HS6ST3: variants seen among roughly 807,000 people sequenced by gnomAD.
HS6ST3 encodes the protein heparan-sulfate 6-O-sulfotransferase 3.
Under a neutral mutation model 36.7 loss-of-function variants are expected in HS6ST3, and 12 were observed. The observed-to-expected ratio is 0.33, with a 90% confidence interval of 0.21 to 0.53. HS6ST3 has a LOEUF of 0.53. Among genes scored for constraint, HS6ST3 ranks in the 20% least tolerant of loss-of-function variants. HS6ST3 has a pLI of 0.95. For synonymous variants in HS6ST3, 240 were observed against 257.5 expected, an observed-to-expected ratio of 0.93 and a Z score of 0.65; for missense variants, 584 against 640.9, an observed-to-expected ratio of 0.91 and a Z score of 0.96.
rs533294477 is a variant in HS6ST3, at chr13:96,370,893, G to T, written c.707+279324G>T. Among the ~76,000 whole-genome samples, 7 of 152,130 alleles carry T rather than the reference G, an allele frequency of 4.6e-5. No individual in the cohort carries two copies. In the East Asian group the frequency reaches 1.4e-3, roughly 29 times the overall value. The stretch of plus-strand genomic sequence containing the variant: ...AGCCTGGGTGACGGAGCGAGACACC[G>T]TATCAAAGAATAAATAAATAAAAAT... On this transcript the variant is annotated intron_variant, in intron 1 of 1. Transcript: ENST00000376705.
intron 1 of HS6ST3, among the ~76,000 whole-genome samples, chr13:96,439,034 T>C (rs1257902372): frequency 1.3e-5 from 2 of 151,238 alleles, no homozygotes; most frequent in African/African-American, 4.9e-5. Context: ...GCCACTGCAC[T>C]CCAGCCTGGG....
At chr13:96,206,829 A>G (rs1233919210) in intron 1 of HS6ST3, among the ~76,000 whole-genome samples, 1 of 152,198 alleles carries the variant, frequency 6.6e-6, no homozygotes, top group Non-Finnish European at 1.5e-5. Context: ...TAAAGACTTA[A>G]ATATAAAACC....
chr13:96,577,968 G>C (rs1405697644), intron 1 of HS6ST3, among the ~76,000 whole-genome samples: 1 of 152,198 alleles, frequency 6.6e-6, no homozygotes, highest in Non-Finnish European at 1.5e-5. Context: ...CATGGAGTAG[G>C]ATACCTAGTA....
At chr13:96,135,375 C>T (rs1324892241) in intron 1 of HS6ST3, among the ~76,000 whole-genome samples, 1 of 152,112 alleles carries the variant, frequency 6.6e-6, no homozygotes, top group Non-Finnish European at 1.5e-5. Flanking sequence ...CACAGTGAAT[C>T]ATAAGTCTGG....
intron 1 of HS6ST3, among the ~76,000 whole-genome samples, chr13:96,715,543 T>A (rs1875673794): frequency 6.6e-6 from 1 of 152,070 alleles, no homozygotes; most frequent in Non-Finnish European, 1.5e-5. Context: ...ATTTAAAATT[T>A]AAAAAAATTT....
At chr13:96,679,016 A>G (rs1320915418) in intron 1 of HS6ST3, among the ~76,000 whole-genome samples, 2 of 151,346 alleles carry the variant, frequency 1.3e-5, no homozygotes, top group Admixed American at 6.6e-5. Context: ...TAGGAAAATT[A>G]TATGTATTTC....
chr13:96,111,761 A>C (rs767860984), intron 1 of HS6ST3, among the ~76,000 whole-genome samples: 3 of 152,228 alleles, frequency 2.0e-5, no homozygotes, highest in Non-Finnish European at 4.4e-5. Flanking sequence ...CACTGTAGTG[A>C]CAAAGATATA....
intron 1 of HS6ST3, among the ~76,000 whole-genome samples, chr13:96,217,563 G>GTCCA (rs765443599): frequency 7.2e-5 from 11 of 152,090 alleles, no homozygotes; most frequent in South Asian, 2.1e-4. Context: ...CTCTCTCTCT[G>GTCCA]TCCATCCATC....
chr13:96,219,109 A>AT (rs2054442027), intron 1 of HS6ST3, among the ~76,000 whole-genome samples: 1 of 151,616 alleles, frequency 6.6e-6, no homozygotes, highest in Non-Finnish European at 1.5e-5. Flanking sequence ...AGACCCTTGC[A>AT]TACAGGCATG....
intron 1 of HS6ST3, among the ~76,000 whole-genome samples, chr13:96,647,014 A>G (rs1167353289): frequency 6.6e-6 from 1 of 151,938 alleles, no homozygotes; most frequent in Non-Finnish European, 1.5e-5. Flanking sequence ...AGCTTCCCTA[A>G]GAGTGCAGAC....
intron 1 of HS6ST3, among the ~76,000 whole-genome samples, chr13:96,108,178 C>A (rs1457604247): frequency 6.6e-6 from 1 of 152,136 alleles, no homozygotes; most frequent in Non-Finnish European, 1.5e-5. Context: ...AGAATGCATT[C>A]CCAGGGGGAG....
chr13:96,097,978 AT>A (rs749961080), intron 1 of HS6ST3, among the ~76,000 whole-genome samples: 1 of 152,212 alleles, frequency 6.6e-6, no homozygotes, highest in Non-Finnish European at 1.5e-5. Flanking sequence ...GCAAATTCTG[AT>A]TATTAGTGGT....
intron 1 of HS6ST3, among the ~76,000 whole-genome samples, chr13:96,513,385 C>T (rs2056058770): frequency 6.6e-6 from 1 of 151,962 alleles, no homozygotes; most frequent in African/African-American, 2.4e-5. Context: ...GCTTTCTGCT[C>T]ATTTGGGGTT....
At chr13:96,633,062 A>G (rs927766300) in intron 1 of HS6ST3, among the ~76,000 whole-genome samples, 1 of 152,198 alleles carries the variant, frequency 6.6e-6, no homozygotes, top group Admixed American at 6.5e-5. Context: ...CATTCTTCTA[A>G]CACTGGAAGT....
intron 1 of HS6ST3, among the ~76,000 whole-genome samples, chr13:96,425,322 G>T (rs563503773): frequency 6.5e-4 from 99 of 152,220 alleles, no homozygotes; most frequent in Non-Finnish European, 1.1e-3. Flanking sequence ...GCCTTGAAGA[G>T]CTCTGCTCTT....
At chr13:96,438,522 T>C (rs1219743007) in intron 1 of HS6ST3, among the ~76,000 whole-genome samples, 1 of 152,164 alleles carries the variant, frequency 6.6e-6, no homozygotes, top group East Asian at 1.9e-4. Context: ...TCTTATTTGA[T>C]CCACTGTAGC....
chr13:96,098,189 A>G (rs949295250), intron 1 of HS6ST3, among the ~76,000 whole-genome samples: 2 of 152,228 alleles, frequency 1.3e-5, no homozygotes, highest in African/African-American at 4.8e-5. Flanking sequence ...TGACAGATGT[A>G]TTTGCCTCTT....
At chr13:96,350,730 C>G (rs984531196) in intron 1 of HS6ST3, among the ~76,000 whole-genome samples, 1 of 152,110 alleles carries the variant, frequency 6.6e-6, no homozygotes, top group Non-Finnish European at 1.5e-5. Flanking sequence ...AATTGAAAAT[C>G]CTTGGAGGGT....
intron 1 of HS6ST3, among the ~76,000 whole-genome samples, chr13:96,611,827 CTG>C (rs2056457984): frequency 6.6e-6 from 1 of 152,152 alleles, no homozygotes; most frequent in South Asian, 2.1e-4. Context: ...GGAGACAAGA[CTG>C]GGGTCAACAG....
Sources: allele counts gnomAD v4.1 joint callset (sites outside exome capture counted in the v4.1 genomes callset), GRCh38; gene constraint gnomAD v4.1.1; transcripts MANE v1.5; gene names NCBI Gene and HGNC (gene_info 2026-07-23, HGNC 2026-07-21).